Variants in SLC24A2 observed in about 807,000 individuals in gnomAD.
SLC24A2 encodes sodium/potassium/calcium exchanger 2.
SLC24A2 carries 36 observed loss-of-function variants against 62.0 expected under a neutral mutation model. The observed-to-expected ratio is 0.58, with a 90% CI of 0.44 to 0.77. The LOEUF (loss-of-function observed/expected upper bound fraction) is 0.77, where lower values mean the gene tolerates loss of function less well. Among genes scored for constraint, SLC24A2 ranks in the 30% least tolerant of loss-of-function variants. The pLI is 0.00. For missense variants in SLC24A2, 846 were observed against 817.9 expected (o/e 1.03, Z -0.42); for synonymous variants, 358 against 294.0 (o/e 1.22, Z -2.23).
the SLC24A2 span, among the ~76,000 whole-genome samples, chr9:20,002,896 T>C: frequency 3.9e-3 from 595 of 152,336 alleles, 10 homozygotes; most frequent in African/African-American, 0.014. Flanking sequence ...CACCTACCTG[T>C]AGGGCTGACT....
At chr9:19,990,919 T>G in the SLC24A2 span, among the ~76,000 whole-genome samples, 1 of 21,578 alleles carries the variant, frequency 4.6e-5, no homozygotes, top group Admixed American at 4.5e-4. Flanking sequence ...ACAGGACTAA[T>G]AGGATATATA....
At chr9:20,087,188 G>A in the SLC24A2 span, among the ~76,000 whole-genome samples, 6 of 152,184 alleles carry the variant, frequency 3.9e-5, no homozygotes, top group Non-Finnish European at 8.8e-5. Flanking sequence ...GGTCCCAAAT[G>A]TGGACATTAA....
chr9:19,867,585 C>A, the SLC24A2 span, among the ~76,000 whole-genome samples: 3 of 152,082 alleles, frequency 2.0e-5, no homozygotes, highest in Non-Finnish European at 4.4e-5. Flanking sequence ...GGTCAGTCTA[C>A]CCCAGTGTTT....
chr9:19,682,149 G>C (rs1383477128), intron 2 of SLC24A2, among the ~76,000 whole-genome samples: 1 of 152,118 alleles, frequency 6.6e-6, no homozygotes, highest in Non-Finnish European at 1.5e-5. Context: ...TGCTTTATGT[G>C]AACATTTTTT....
intron 2 of SLC24A2, among the ~76,000 whole-genome samples, chr9:19,703,465 T>C (rs531951078): frequency 1.3e-5 from 2 of 152,224 alleles, no homozygotes; most frequent in African/African-American, 4.8e-5. Context: ...GTCAAGGAGA[T>C]GAGAGGGACC....
chr9:20,301,018 A>C, the SLC24A2 span, among the ~76,000 whole-genome samples: 31 of 152,296 alleles, frequency 2.0e-4, no homozygotes, highest in East Asian at 6.0e-3. Context: ...GGAAAACCAC[A>C]AGAAAGGTCT....
At chr9:19,583,986 G>A (rs908384602) in intron 5 of SLC24A2, among the ~76,000 whole-genome samples, 1 of 152,006 alleles carries the variant, frequency 6.6e-6, no homozygotes, top group African/African-American at 2.4e-5. Context: ...CCCTCTTTTC[G>A]AAGTGGAAAC....
the SLC24A2 span, among the ~76,000 whole-genome samples, chr9:20,230,231 T>G: frequency 6.6e-6 from 1 of 152,344 alleles, no homozygotes; most frequent in African/African-American, 2.4e-5. Flanking sequence ...TGTTTTATAA[T>G]CCTTTGGGTA....
chr9:19,814,809 A>G, the SLC24A2 span, among the ~76,000 whole-genome samples: 5 of 152,192 alleles, frequency 3.3e-5, no homozygotes, highest in African/African-American at 1.2e-4. Flanking sequence ...TCTATGAAGT[A>G]AAAAATGAAT....
the SLC24A2 span, among the ~76,000 whole-genome samples, chr9:20,047,633 C>A: frequency 7.1e-6 from 1 of 141,340 alleles, no homozygotes; most frequent in Non-Finnish European, 1.6e-5. Flanking sequence ...CTGGTGACAG[C>A]CCACTACCTC....
chr9:19,544,928 A>T (rs1024630395), intron 8 of SLC24A2, among the ~76,000 whole-genome samples: 6 of 152,200 alleles, frequency 3.9e-5, no homozygotes, highest in African/African-American at 2.4e-5. Context: ...CTCAAGGAGT[A>T]TCTTTGTGGT....
chr9:20,205,423 C>A, the SLC24A2 span, among the ~76,000 whole-genome samples: 7 of 151,704 alleles, frequency 4.6e-5, no homozygotes, highest in African/African-American at 1.7e-4. Context: ...CCGAGGCAGG[C>A]GGATTACAAG....
the SLC24A2 span, among the ~76,000 whole-genome samples, chr9:20,012,410 G>C: frequency 4.6e-5 from 7 of 152,122 alleles, 1 homozygote; most frequent in South Asian, 1.2e-3. Context: ...CTATGATTCA[G>C]TTACCTCCCA....
intron 2 of SLC24A2, among the ~76,000 whole-genome samples, chr9:19,734,197 G>A (rs954079638): frequency 6.6e-6 from 1 of 150,882 alleles, no homozygotes; most frequent in African/African-American, 2.5e-5. Flanking sequence ...GATAGTTGTA[G>A]ATATGTGGCA....
chr9:19,950,127 T>C, the SLC24A2 span, among the ~76,000 whole-genome samples: 10 of 152,206 alleles, frequency 6.6e-5, no homozygotes, highest in South Asian at 4.1e-4. Context: ...TGTGACTTAA[T>C]TAGTTGTGTC....
chr9:20,119,199 A>G, the SLC24A2 span, among the ~76,000 whole-genome samples: 1 of 152,150 alleles, frequency 6.6e-6, no homozygotes, highest in East Asian at 1.9e-4. Flanking sequence ...TTAGCCTTCC[A>G]ACGAGAATAT....
the SLC24A2 span, among the ~76,000 whole-genome samples, chr9:20,052,146 T>C: frequency 6.6e-6 from 1 of 152,350 alleles, no homozygotes; most frequent in South Asian, 2.1e-4. Context: ...ATATATTTAA[T>C]TGCTTCATTA....
chr9:20,021,454 T>C, the SLC24A2 span, among the ~76,000 whole-genome samples: 2 of 152,004 alleles, frequency 1.3e-5, no homozygotes, highest in Non-Finnish European at 2.9e-5. Context: ...GGATTATTAA[T>C]AATAATCCAA....
At chr9:19,543,659 C>G (rs1282616830) in intron 8 of SLC24A2, among the ~76,000 whole-genome samples, 2 of 152,130 alleles carry the variant, frequency 1.3e-5, no homozygotes, top group Admixed American at 1.3e-4. Context: ...CAAAGAACAT[C>G]TTTGTTTCTG....
Sources: gnomAD v4.1 joint callset for allele counts (sites outside exome capture counted in the v4.1 genomes callset) on GRCh38, gnomAD v4.1.1 for gene constraint, MANE v1.5 for transcripts, NCBI Gene and HGNC (gene_info 2026-07-23, HGNC 2026-07-21) for gene names.